Variants in PPP3CB observed in about 807,000 individuals in gnomAD.
The protein encoded by PPP3CB is protein phosphatase 3 catalytic subunit beta.
In PPP3CB, 8 loss-of-function variants were observed where a neutral mutation model predicts 66.4. The ratio of observed to expected loss-of-function variants is 0.12; its 90% CI spans 0.07 to 0.22. PPP3CB has a LOEUF of 0.22. Among genes scored for constraint, PPP3CB ranks in the 10% least tolerant of loss-of-function variants. The probability of loss-of-function intolerance (pLI) is 1.00; values close to 1 mark genes in which losing one functional copy is unlikely to be tolerated. For synonymous variants in PPP3CB, 208 were observed against 221.2 expected (o/e 0.94, Z 0.53); for missense variants, 319 against 642.5 (o/e 0.50, Z 5.44).
In PPP3CB at chr10:73,485,698, T is replaced by C. The variant is rs571082424; in HGVS notation, c.86-6181A>G. 9.2e-5 allele frequency among the ~76,000 whole-genome samples: 14 copies of C among 152,270 alleles called. No homozygotes were observed. In the South Asian group the frequency reaches 2.7e-3, roughly 29 times the overall value. ...ATTGAGGCCTTCAGAATTCCTATTA[T>C]AAGATTTTGTTTTAATCTATCCCAC... On this transcript the variant is annotated intron_variant, in intron 1 of 13. Coordinates refer to ENST00000360663, the MANE Select transcript of PPP3CB (RefSeq NM_021132.4).
chr10:73,471,348 T>C, intron 5 of PPP3CB, 120 bp downstream of exon 5: 2 of 1,350,322 alleles, frequency 1.5e-6, no homozygotes, highest in Non-Finnish European at 2.0e-6. Flanking sequence ...CCTTAAGATA[T>C]CAGTATACTA....
At position 73,463,972 on chromosome 10, in the gene PPP3CB, C is replaced by T. The variant is rs2056574889; in HGVS notation, c.1108+3581G>A. 2.0e-5 allele frequency among the ~76,000 whole-genome samples: 3 copies of T among 152,018 alleles called. No homozygotes were observed. The South Asian group carries it at 6.2e-4, about 32-fold the overall frequency. Reference sequence around the variant, plus strand: ...TTGAGACAGAGTCTCGCTCTGTTGCCCAGGCTGGAGTGCAGTGGTGCAATC... The same window carrying T: ...TTGAGACAGAGTCTCGCTCTGTTGCTCAGGCTGGAGTGCAGTGGTGCAATC... On this transcript the variant is annotated intron_variant, in intron 9 of 13. Coordinates refer to ENST00000360663, the MANE Select transcript of PPP3CB (RefSeq NM_021132.4).
At chr10:73,473,881 T>C (rs1441739118) in intron 4 of PPP3CB, among the ~76,000 whole-genome samples, 1 of 152,138 alleles carries the variant, frequency 6.6e-6, no homozygotes, top group East Asian at 1.9e-4. Flanking sequence ...AAGAAGAATT[T>C]CAATCATTAA....
chr10:73,493,146 C>T (rs2057105833), intron 1 of PPP3CB, among the ~76,000 whole-genome samples: 1 of 151,842 alleles, frequency 6.6e-6, no homozygotes, highest in South Asian at 2.1e-4. Flanking sequence ...CATGGTGGCG[C>T]GCACCTATAA....
intron 1 of PPP3CB, among the ~76,000 whole-genome samples, chr10:73,491,882 G>A (rs560088994): frequency 2.0e-5 from 3 of 152,232 alleles, no homozygotes; most frequent in South Asian, 2.1e-4. Context: ...CAGGAGAATC[G>A]TTTGAACCCG....
At chr10:73,482,588 A>C (rs1402571787) in intron 1 of PPP3CB, among the ~76,000 whole-genome samples, 3 of 151,326 alleles carry the variant, frequency 2.0e-5, no homozygotes, top group Non-Finnish European at 2.9e-5. Flanking sequence ...TCTAAAAAAA[A>C]AGCTGTGTTC....
intron 9 of PPP3CB, among the ~76,000 whole-genome samples, chr10:73,461,379 G>A (rs1304458247): frequency 1.3e-5 from 2 of 152,026 alleles, no homozygotes; most frequent in Admixed American, 6.6e-5. Flanking sequence ...CCCAGGAGGC[G>A]GAGGGTGCAG....
intron 9 of PPP3CB, among the ~76,000 whole-genome samples, chr10:73,466,516 T>C (rs888483822): frequency 1.3e-5 from 2 of 152,196 alleles, no homozygotes; most frequent in African/African-American, 4.8e-5. Flanking sequence ...ACACCAAAGA[T>C]AGAAGGTTGT....
intron 9 of PPP3CB, among the ~76,000 whole-genome samples, chr10:73,462,031 C>T (rs1564556662): frequency 6.6e-6 from 1 of 152,098 alleles, no homozygotes; most frequent in Non-Finnish European, 1.5e-5. Flanking sequence ...GTGCCTGCTC[C>T]CACTTTACCT....
chr10:73,485,215 C>T (rs1564569062), intron 1 of PPP3CB, among the ~76,000 whole-genome samples: 1 of 152,030 alleles, frequency 6.6e-6, no homozygotes, highest in South Asian at 2.1e-4. Flanking sequence ...CAATAATATT[C>T]GCAAGGTATT....
At chr10:73,472,488 C>T (rs1200278153) in intron 4 of PPP3CB, among the ~76,000 whole-genome samples, 1 of 146,458 alleles carries the variant, frequency 6.8e-6, no homozygotes, top group African/African-American at 2.6e-5. Context: ...GAGCAAGACT[C>T]TGTCTCAAAA....
chr10:73,444,777 T>G lies in PPP3CB; in HGVS notation c.1314A>C (p.Thr438=). The G allele has an allele frequency of 6.2e-7, 1 of 1,613,950 alleles. No individual in the cohort carries two copies. Among genetic ancestry groups the G allele is most frequent in the Non-Finnish European group, 8.5e-7 (1 of 1,180,034 alleles). The change falls in exon 12 of 14, where the codon ACA becomes ACC. Residue 438 remains threonine (T), a synonymous_variant. Coordinates refer to ENST00000360663, the MANE Select transcript of PPP3CB (RefSeq NM_021132.4). ...SVLTLKGLTP[T]GMLPSGVLAG... is the part of the protein sequence containing the mutation. ...CTAACACTCCACTAGGCAACATCCC[T>G]GTGGGAGTCAGGCCCTTGAGTGTCA...
chr10:73,453,060 G>C (rs2056371657), intron 10 of PPP3CB, among the ~76,000 whole-genome samples: 1 of 152,192 alleles, frequency 6.6e-6, no homozygotes, highest in Admixed American at 6.5e-5. Flanking sequence ...TCAAAGAAAT[G>C]TAAACTTAAG....
intron 10 of PPP3CB, among the ~76,000 whole-genome samples, chr10:73,450,093 C>T (rs543563034): frequency 3.3e-5 from 5 of 152,264 alleles, no homozygotes; most frequent in East Asian, 3.9e-4. Flanking sequence ...CCACCGCGCC[C>T]GGCCATCTTA....
intron 9 of PPP3CB, among the ~76,000 whole-genome samples, chr10:73,463,657 T>G (rs2056568389): frequency 6.6e-6 from 1 of 152,236 alleles, no homozygotes; most frequent in Non-Finnish European, 1.5e-5. Flanking sequence ...CTCCTTTCTC[T>G]TTTGAGACGG....
At chr10:73,480,694 C>T (rs968841048) in intron 1 of PPP3CB, among the ~76,000 whole-genome samples, 1 of 152,172 alleles carries the variant, frequency 6.6e-6, no homozygotes, top group Non-Finnish European at 1.5e-5. Context: ...ATCTGCCCGC[C>T]TTGGCTTCCC....
chr10:73,443,316 GAAAGAAAGAAAGAA>G (rs1170560057), intron 12 of PPP3CB, among the ~76,000 whole-genome samples: 6 of 134,794 alleles, frequency 4.5e-5, no homozygotes, highest in African/African-American at 1.8e-4. Flanking sequence ...AAGAAAGAAA[GAAAGAAAGAAAGAA>G]AAAGAAAGAG....
Position 73,446,527 on chromosome 10 carries a change from T to C in PPP3CB, c.1233A>G (p.Ala411=). ...AGAAGACTCTTGCCATCTTGCCAAT[T>C]GCTCGAATTTTGTTTCTTATGATTT... The part of the protein sequence containing the change: ...RKEIIRNKIR[A]IGKMARVFSV... Residue 411 remains alanine, a synonymous_variant, in exon 11 of 14, where the codon GCA becomes GCG. Transcript: ENST00000360663. 6.2e-7 allele frequency: 1 copy of C among 1,613,808 alleles called. No individual in the cohort carries two copies. Among genetic ancestry groups the C allele is most frequent in the South Asian group, 1.1e-5 (1 of 91,076 alleles).
chr10:73,458,771 T>C (rs2056471903), intron 9 of PPP3CB, among the ~76,000 whole-genome samples: 1 of 152,014 alleles, frequency 6.6e-6, no homozygotes, highest in Non-Finnish European at 1.5e-5. Flanking sequence ...GATGAAACTG[T>C]AAAATGGTAC....
Sources: allele counts gnomAD v4.1 joint callset (sites outside exome capture counted in the v4.1 genomes callset), GRCh38; gene constraint gnomAD v4.1.1; transcripts MANE v1.5; gene names NCBI Gene and HGNC (gene_info 2026-07-23, HGNC 2026-07-21).